The following SLC36A2 variants were observed in gnomAD, a reference collection of about 807,000 sequenced individuals.
The protein encoded by SLC36A2 is solute carrier family 36 member 2.
In SLC36A2, 39 loss-of-function variants were observed where a neutral mutation model predicts 42.7. That is an observed-to-expected ratio of 0.91 (90% CI 0.71 to 1.19). The LOEUF (loss-of-function observed/expected upper bound fraction) is 1.19. Ranked by LOEUF, SLC36A2 falls within the 50% of genes most tolerant of loss-of-function variation. The pLI is 0.00. For synonymous variants in SLC36A2, 237 were observed against 240.8 expected (o/e 0.98, Z 0.15); for missense variants, 590 against 613.7 (o/e 0.96, Z 0.41).
At chr5:151,345,956 G>A (rs1756480596) in intron 1 of SLC36A2, among the ~76,000 whole-genome samples, 1 of 152,166 alleles carries the variant, frequency 6.6e-6, no homozygotes, top group South Asian at 2.1e-4. Context: ...TGGACACAAA[G>A]AAGTTCCAGC....
Position 151,339,110 on chromosome 5 carries a change from G to A in SLC36A2, c.475C>T (p.Leu159Phe). The A allele has an allele frequency of 6.2e-7, 1 of 1,610,124 alleles. No homozygotes were observed. Among genetic ancestry groups the A allele is most frequent in the Non-Finnish European group, 8.5e-7 (1 of 1,177,292 alleles). Reference sequence around the variant, plus strand: ...ACAATGTACACACAGCAGAAGCCAAGTTGGGTGATAATAAGGAAGAAGCTC... The same window carrying A: ...ACAATGTACACACAGCAGAAGCCAAATTGGGTGATAATAAGGAAGAAGCTC... ...IVSFFLIITQ[L>F]GFCCVYIVFL... is the part of the protein sequence containing the mutation. The change falls in exon 5 of 10, where the codon CTT becomes TTT. Residue 159 changes from leucine to phenylalanine, a missense_variant. Transcript: ENST00000335244.
chr5:151,337,327 C>A (rs932831876), intron 5 of SLC36A2, among the ~76,000 whole-genome samples: 9 of 152,288 alleles, frequency 5.9e-5, no homozygotes, highest in Admixed American at 2.0e-4. Context: ...AGATGCACCA[C>A]CCCCCGGAGG....
At chr5:151,331,575 T>C (rs182402650) in intron 7 of SLC36A2, among the ~76,000 whole-genome samples, 5 of 152,124 alleles carry the variant, frequency 3.3e-5, no homozygotes, top group Admixed American at 3.3e-4. Flanking sequence ...TGCATCAGCC[T>C]CTTAAAGTTC....
Position 151,316,740 on chromosome 5 carries a change from C to CAAAAAAAAAAAA in SLC36A2, c.*65_*76dup. The CAAAAAAAAAAAA allele has an allele frequency of 2.2e-6, 2 of 893,542 alleles. No homozygotes were observed. The highest frequency in any genetic ancestry group is 3.4e-5 in the African/African-American group (1 of 29,588). The allele number at this position is 893,542 out of a possible 1,614,324, so 55.4% of individuals were successfully genotyped here. Reference sequence around the variant, plus strand: ...GGGCAACAAGACAGAAACTCCGTCTCAAAAAAAAAAAAAAAAAAAAAAAGA... The same window carrying CAAAAAAAAAAAA: ...GGGCAACAAGACAGAAACTCCGTCTCAAAAAAAAAAAAAAAAAAAAAAAAAAAAAAAAAAAGA... On this transcript the variant is annotated 3_prime_UTR_variant, in exon 10 of 10. Transcript: ENST00000335244.
intron 4 of SLC36A2, 149 bp from the exon 5 acceptor site, chr5:151,339,293 C>T (rs1756250342): frequency 1.7e-6 from 1 of 576,024 alleles, no homozygotes. Flanking sequence ...AACAATGGGG[C>T]AAAGAAGTAA....
chr5:151,331,844 C>T (rs1242140726), intron 7 of SLC36A2, among the ~76,000 whole-genome samples: 1 of 151,740 alleles, frequency 6.6e-6, no homozygotes, highest in African/African-American at 2.4e-5. Context: ...TAAAACCCAC[C>T]TTGGGCAGCA....
At chr5:151,323,363 C>A (rs1755755771) in intron 8 of SLC36A2, among the ~76,000 whole-genome samples, 1 of 152,180 alleles carries the variant, frequency 6.6e-6, no homozygotes, top group African/African-American at 2.4e-5. Context: ...CACACTAGTC[C>A]TGCTGCCTGG....
In SLC36A2 at chr5:151,332,928, T is replaced by C. The variant is rs538759039; in HGVS notation, c.843+296A>G. Among the ~76,000 whole-genome samples, 17 of 152,318 alleles carry C rather than the reference T, an allele frequency of 1.1e-4. No individual in the cohort carries two copies. The South Asian group carries it at 3.3e-3, about 30-fold the overall frequency. ...ATCAAATCCTTTAAATTGGACACCA[T>C]GGTTCTTCTTGATTTTAAAAGATTA... On this transcript the variant is annotated intron_variant, in intron 7 of 9. Transcript: ENST00000335244.
rs565749405 is a variant in SLC36A2 at position 151,342,527 on chromosome 5, ACT to A, written c.440+359_440+360del. On this transcript the variant is annotated intron_variant, in intron 4 of 9. Coordinates refer to ENST00000335244, the MANE Select transcript of SLC36A2 (RefSeq NM_181776.3). The stretch of plus-strand genomic sequence containing the variant: ...TACATATCCAAGCGGCTATTAAATA[ACT>A]CTATTCTAGGCTGTTTAATGTCTGC... Among the ~76,000 whole-genome samples, 101 of 151,910 alleles carry A rather than the reference ACT, an allele frequency of 6.6e-4. 1 individual carries two copies. The highest frequency in any genetic ancestry group is 2.4e-3 in the African/African-American group (98 of 41,394).
At chr5:151,330,031 G>A (rs1265520974) in intron 7 of SLC36A2, among the ~76,000 whole-genome samples, 6 of 152,020 alleles carry the variant, frequency 3.9e-5, no homozygotes, top group Non-Finnish European at 5.9e-5. Flanking sequence ...GGGGGTGGGG[G>A]AGCGGGGTCC....
chr5:151,347,466 C>T lies in SLC36A2; in HGVS notation c.-6G>A, dbSNP rs1274807023. 6.2e-7 allele frequency: 1 copy of T among 1,613,680 alleles called. No individual in the cohort carries two copies. The highest frequency in any genetic ancestry group is 2.2e-5 in the East Asian group (1 of 44,880). Reference sequence around the variant, plus strand: ...GTACTTTTTGTCACAGACATGACTGCTTAAGAAACAAGGAGCTCGGGGTGA... The same window carrying T: ...GTACTTTTTGTCACAGACATGACTGTTTAAGAAACAAGGAGCTCGGGGTGA... On this transcript the variant is annotated 5_prime_UTR_variant, in exon 1 of 10. Coordinates refer to ENST00000335244, the MANE Select transcript of SLC36A2 (RefSeq NM_181776.3).
chr5:151,332,642 A>G lies in SLC36A2; in HGVS notation c.843+582T>C, dbSNP rs868533164. 3.5e-5 allele frequency: 9 copies of G among 254,160 alleles called. No individual in the cohort carries two copies. In the Middle Eastern group the frequency reaches 3.2e-3, roughly 90 times the overall value. 15.7% of individuals were successfully genotyped at this position (254,160 alleles called of 1,614,324 possible). A position where few individuals can be genotyped will look rare whatever the true frequency, so the allele number is the denominator to read the frequency against. On this transcript the variant is annotated intron_variant, in intron 7 of 9. Coordinates refer to ENST00000335244, the MANE Select transcript of SLC36A2 (RefSeq NM_181776.3). The stretch of plus-strand genomic sequence containing the variant: ...TCATACATACTGTATGATCCCATAT[A>G]TGTGACATTTTGGAAAAGAGAAGAC...
At chr5:151,327,708 C>G (rs1755891136) in intron 7 of SLC36A2, among the ~76,000 whole-genome samples, 1 of 152,174 alleles carries the variant, frequency 6.6e-6, no homozygotes, top group African/African-American at 2.4e-5. Flanking sequence ...CAAAAATGAT[C>G]TTTTCACAAG....
At chr5:151,336,019 A>T (rs1216745885) in intron 5 of SLC36A2, among the ~76,000 whole-genome samples, 1 of 151,714 alleles carries the variant, frequency 6.6e-6, no homozygotes, top group Non-Finnish European at 1.5e-5. Context: ...AAAAAAAAAA[A>T]GTTGTAAAAA....
chr5:151,340,215 G>A (rs1309487145), intron 4 of SLC36A2, among the ~76,000 whole-genome samples: 19 of 137,098 alleles, frequency 1.4e-4, no homozygotes, highest in African/African-American at 6.4e-4. Context: ...AGGAGGAGGA[G>A]GGAGAGGAGG....
intron 4 of SLC36A2, among the ~76,000 whole-genome samples, chr5:151,339,368 G>A (rs1045259088): frequency 2.0e-5 from 3 of 151,158 alleles, no homozygotes; most frequent in South Asian, 2.1e-4. Context: ...AGGCTGGAGT[G>A]CAATGGTGGG....
chr5:151,316,721 C>T lies in SLC36A2; in HGVS notation c.*96G>A, dbSNP rs1329733608. ...CATCATTGTACTCCAGTCTGGGCAA[C>T]AAGACAGAAACTCCGTCTCAAAAAA... On this transcript the variant is annotated 3_prime_UTR_variant, in exon 10 of 10. Coordinates refer to ENST00000335244, the MANE Select transcript of SLC36A2 (RefSeq NM_181776.3). 1.5e-6 allele frequency: 2 copies of T among 1,369,302 alleles called. No individual in the cohort carries two copies. Among genetic ancestry groups the T allele is most frequent in the East Asian group, 2.6e-5 (1 of 38,388 alleles). The allele number at this position is 1,369,302 out of a possible 1,614,324, so 84.8% of individuals were successfully genotyped here.
chr5:151,335,622 C>T (rs1467058324), intron 5 of SLC36A2, 75 bp from the exon 6 acceptor site: 4 of 1,090,206 alleles, frequency 3.7e-6, no homozygotes, highest in South Asian at 2.5e-5. Flanking sequence ...AGTGCCTTGC[C>T]CCTAATCAAA....
At chr5:151,337,126 G>T (rs1436731830) in intron 5 of SLC36A2, among the ~76,000 whole-genome samples, 1 of 152,060 alleles carries the variant, frequency 6.6e-6, no homozygotes, top group Non-Finnish European at 1.5e-5. Flanking sequence ...ACGTACTCAA[G>T]GCCCTCCATA....
Sources: allele counts gnomAD v4.1 joint callset (sites outside exome capture counted in the v4.1 genomes callset), GRCh38; gene constraint gnomAD v4.1.1; transcripts MANE v1.5; gene names NCBI Gene and HGNC (gene_info 2026-07-23, HGNC 2026-07-21).